The following SDK2 variants were observed in gnomAD, a reference collection of about 807,000 sequenced individuals.
SDK2 encodes the protein sidekick cell adhesion molecule 2.
SDK2 carries 105 observed loss-of-function variants against 253.9 expected under a neutral mutation model. That is an observed-to-expected ratio of 0.41 (90% confidence interval 0.35 to 0.49). The LOEUF (loss-of-function observed/expected upper bound fraction) is 0.49. Ranked by LOEUF, SDK2 falls within the 20% of genes least tolerant of loss-of-function variation. The probability of loss-of-function intolerance (pLI) is 0.06; values close to 1 mark genes in which losing one functional copy is unlikely to be tolerated. For missense variants in SDK2, 2,608 were observed against 3,003.0 expected (o/e 0.87, Z 3.07); for synonymous variants, 1,249 against 1,234.9 (o/e 1.01, Z -0.24).
intron 21 of SDK2, 125 bp from the exon 22 acceptor site, chr17:73,399,414 C>T: frequency 1.0e-6 from 1 of 994,010 alleles, no homozygotes; most frequent in Non-Finnish European, 1.5e-6. Context: ...AGGAGAAGCA[C>T]AGCCACGGCC....
Position 73,639,456 on chromosome 17 carries a change from T to C in SDK2, c.64+4569A>G, listed in dbSNP as rs2046370841. 6.6e-6 allele frequency among the ~76,000 whole-genome samples: 1 copy of C among 151,856 alleles called. No individual in the cohort carries two copies. Among genetic ancestry groups the C allele is most frequent in the South Asian group, 2.1e-4 (1 of 4,816 alleles). ...CACCTAGGGGAGGGGGCACCCGGGGTGTCTCGGCAACCAGCTTGTTTTCCT... is the reference window on the plus strand; with the variant it reads ...CACCTAGGGGAGGGGGCACCCGGGGCGTCTCGGCAACCAGCTTGTTTTCCT... On this transcript the variant is annotated intron_variant, in intron 1 of 44. Coordinates refer to ENST00000392650, the MANE Select transcript of SDK2 (RefSeq NM_001144952.2). This position sits in a 1 kb window ranked among gnomAD's most constrained non-coding sequence, Gnocchi z 4.3.
At chr17:73,387,741 G>A (rs2062884859) in intron 30 of SDK2, 95 bp downstream of exon 30, 8 of 1,141,238 alleles carry the variant, frequency 7.0e-6, no homozygotes, top group South Asian at 6.3e-5. Context: ...GCAGGCTGGA[G>A]GTGTTTTCAG....
chr17:73,423,448 C>A lies in SDK2; in HGVS notation c.1835G>T (p.Trp612Leu). Residue 612 changes from tryptophan (W) to leucine (L), a missense_variant, in exon 14 of 45, where the codon TGG becomes TTG. Trp to Leu is a moderately conservative substitution (Grantham distance 61). This residue lies in a region of SDK2 where 1,505 missense variants were observed against 1,859.1 expected (regional missense o/e 0.81). Coordinates refer to ENST00000392650, the MANE Select transcript of SDK2 (RefSeq NM_001144952.2). ...GCTGTTGCCATCAAAGGGCTTGGTCCACGTCAGGTTGATGGCTCGCCTTTC... is the reference window on the plus strand; with the variant it reads ...GCTGTTGCCATCAAAGGGCTTGGTCAACGTCAGGTTGATGGCTCGCCTTTC... The part of the protein sequence containing the change: ...TVERRAINLT[W>L]TKPFDGNSPL... The A allele has an allele frequency of 6.3e-7, 1 of 1,590,054 alleles. No homozygotes were observed. Among genetic ancestry groups the A allele is most frequent in the Non-Finnish European group, 8.6e-7 (1 of 1,166,076 alleles).
At chr17:73,529,309 C>A (rs867841983) in intron 1 of SDK2, among the ~76,000 whole-genome samples, 3 of 152,080 alleles carry the variant, frequency 2.0e-5, no homozygotes, top group African/African-American at 7.2e-5. Context: ...CCACTGGAGG[C>A]TGGGAGACTT....
Position 73,643,697 on chromosome 17 carries a change from TCG to T in SDK2, c.64+326_64+327del. ...CGAGCGTGGAGCCCGGCACGGAATG[TCG>T]CTCCCCTCCCAAGCCGGCGCAGGGC... On this transcript the variant is annotated intron_variant, in intron 1 of 44. Transcript: ENST00000392650. The surrounding 1 kb of genome is among the most constrained non-coding windows in gnomAD (Gnocchi z 6.9). 6.6e-6 allele frequency among the ~76,000 whole-genome samples: 1 copy of T among 152,018 alleles called. No individual in the cohort carries two copies. The highest frequency in any genetic ancestry group is 2.1e-4 in the South Asian group (1 of 4,816).
At chr17:73,458,738 G>C (rs1261880616) in intron 3 of SDK2, among the ~76,000 whole-genome samples, 1 of 152,188 alleles carries the variant, frequency 6.6e-6, no homozygotes, top group Admixed American at 6.5e-5. Context: ...GGGTGCAGTG[G>C]CTCACGCCTG....
intron 10 of SDK2, among the ~76,000 whole-genome samples, chr17:73,432,525 T>C (rs976851292): frequency 3.3e-5 from 5 of 152,122 alleles, no homozygotes; most frequent in Admixed American, 6.5e-5. Flanking sequence ...ATTGAGTGCC[T>C]ACCGTGTGCC....
intron 12 of SDK2, among the ~76,000 whole-genome samples, chr17:73,427,034 G>A (rs576833900): frequency 1.1e-4 from 17 of 152,148 alleles, no homozygotes; most frequent in South Asian, 4.1e-4. Context: ...GCAGTGTGCC[G>A]AGATGGTGCC....
chr17:73,381,349 C>T (rs997451178), intron 33 of SDK2, among the ~76,000 whole-genome samples: 5 of 150,596 alleles, frequency 3.3e-5, no homozygotes, highest in South Asian at 2.2e-4. Flanking sequence ...AACAATTTTA[C>T]TACTAGGAAA....
At chr17:73,503,863 C>T (rs2063909858) in intron 2 of SDK2, among the ~76,000 whole-genome samples, 1 of 152,188 alleles carries the variant, frequency 6.6e-6, no homozygotes, top group Non-Finnish European at 1.5e-5. Context: ...CTAAGTGAAA[C>T]TTCCAGAAAA....
chr17:73,629,301 G>A lies in SDK2; in HGVS notation c.64+14724C>T, dbSNP rs533970075. Among the ~76,000 whole-genome samples the A allele has an allele frequency of 8.5e-5, 13 of 152,136 alleles. No individual in the cohort carries two copies. Among genetic ancestry groups the A allele is most frequent in the Non-Finnish European group, 1.3e-4 (9 of 68,028 alleles). ...GGAAGAAAGACCACAAGCCCCAGAC[G>A]CATCTGCCTGTCCCACATGTGCTTA... On this transcript the variant is annotated intron_variant, in intron 1 of 44. Transcript: ENST00000392650. This position sits in a 1 kb window ranked among gnomAD's most constrained non-coding sequence, Gnocchi z 5.0.
At position 73,365,255 on chromosome 17, in the gene SDK2, C is replaced by A; in HGVS notation, c.5305+3G>T. Reference sequence around the variant, plus strand: ...GGGGAGCTGTGCTGGGGGGTCCACTCACCATCCACGGGGCTGCAGGGCTCG... The same window carrying A: ...GGGGAGCTGTGCTGGGGGGTCCACTAACCATCCACGGGGCTGCAGGGCTCG... On this transcript the variant is annotated splice_donor_region_variant and intron_variant, in intron 38 of 44. Transcript: ENST00000392650. The A allele has an allele frequency of 6.3e-7, 1 of 1,597,594 alleles. No homozygotes were observed. The highest frequency in any genetic ancestry group is 1.1e-5 in the South Asian group (1 of 88,584).
At position 73,639,650 on chromosome 17, in the gene SDK2, G is replaced by A. The variant is rs935387770; in HGVS notation, c.64+4375C>T. On this transcript the variant is annotated intron_variant, in intron 1 of 44. Transcript: ENST00000392650. This position sits in a 1 kb window ranked among gnomAD's most constrained non-coding sequence, Gnocchi z 4.3. ...GAGCGGGGTAGAAACCCCGCAGGGC[G>A]CACACTAACACCCGACATCAATTCC... Among the ~76,000 whole-genome samples, 5 of 152,086 alleles carry A rather than the reference G, an allele frequency of 3.3e-5. No homozygotes were observed. The highest frequency in any genetic ancestry group is 1.9e-4 in the East Asian group (1 of 5,166).
rs1182077557 is a variant in SDK2, at chr17:73,642,776, T to TA, written c.64+1248dup. Among the ~76,000 whole-genome samples, 7 of 152,326 alleles carry TA rather than the reference T, an allele frequency of 4.6e-5. No homozygotes were observed. The highest frequency in any genetic ancestry group is 1.7e-4 in the African/African-American group (7 of 41,564). Reference sequence around the variant, plus strand: ...ATTACCCTACATTTATAGGGCTCGTTACAAAATTTCGAAGTGCTTTTATGT... The same window carrying TA: ...ATTACCCTACATTTATAGGGCTCGTTAACAAAATTTCGAAGTGCTTTTATGT... On this transcript the variant is annotated intron_variant, in intron 1 of 44. Coordinates refer to ENST00000392650, the MANE Select transcript of SDK2 (RefSeq NM_001144952.2). The surrounding 1 kb of genome is among the most constrained non-coding windows in gnomAD (Gnocchi z 4.7).
rs368577197 is a variant in SDK2 at position 73,603,014 on chromosome 17, T to C, written c.64+41011A>G. Reference sequence around the variant, plus strand: ...TGTTGGGATTATAGGCATGAGCCACTGTGCCCAGCCAACCTTGACACTATT... The same window carrying C: ...TGTTGGGATTATAGGCATGAGCCACCGTGCCCAGCCAACCTTGACACTATT... On this transcript the variant is annotated intron_variant, in intron 1 of 44. Coordinates refer to ENST00000392650, the MANE Select transcript of SDK2 (RefSeq NM_001144952.2). 5.3e-5 allele frequency among the ~76,000 whole-genome samples: 8 copies of C among 152,308 alleles called. No individual in the cohort carries two copies. The East Asian group carries it at 1.4e-3, about 26-fold the overall frequency.
At chr17:73,418,301 C>A (rs898978894) in intron 16 of SDK2, among the ~76,000 whole-genome samples, 3 of 152,190 alleles carry the variant, frequency 2.0e-5, no homozygotes, top group Non-Finnish European at 4.4e-5. Flanking sequence ...ACACCACGCC[C>A]GGCCTGAAAG....
At chr17:73,571,794 G>A (rs964022847) in intron 1 of SDK2, among the ~76,000 whole-genome samples, 9 of 152,076 alleles carry the variant, frequency 5.9e-5, no homozygotes, top group Admixed American at 2.6e-4. Flanking sequence ...CTCTCTGACC[G>A]GGGTCTGACC....
At chr17:73,340,303 C>T (rs1037253588) in intron 44 of SDK2, among the ~76,000 whole-genome samples, 2 of 152,210 alleles carry the variant, frequency 1.3e-5, no homozygotes, top group Admixed American at 6.5e-5. Context: ...TCATTTCCAT[C>T]ACCCCAAAGT....
At chr17:73,620,918 T>C (rs1409860058) in intron 1 of SDK2, among the ~76,000 whole-genome samples, 1 of 152,218 alleles carries the variant, frequency 6.6e-6, no homozygotes, top group Non-Finnish European at 1.5e-5. Context: ...ATAAAATGTC[T>C]TGAAACTAGA....
Sources: gnomAD v4.1 joint callset for allele counts (sites outside exome capture counted in the v4.1 genomes callset) on GRCh38, gnomAD v4.1.1 for gene constraint, gnomAD v4.1.1 regional missense constraint, Gnocchi (gnomAD v3.1) non-coding constraint, MANE v1.5 for transcripts, NCBI Gene and HGNC (gene_info 2026-07-23, HGNC 2026-07-21) for gene names.